The following GSPT1 variants were observed in gnomAD, a reference collection of about 807,000 sequenced individuals.
The protein encoded by GSPT1 is eukaryotic peptide chain release factor GTP-binding subunit ERF3A.
Under a neutral mutation model 72.5 loss-of-function variants are expected in GSPT1, and 20 were observed. The ratio of observed to expected loss-of-function variants is 0.28; its 90% CI spans 0.19 to 0.40. The LOEUF (loss-of-function observed/expected upper bound fraction) is 0.40. Ranked by LOEUF, GSPT1 falls within the 10% of genes least tolerant of loss-of-function variation. The pLI is 1.00. For missense variants in GSPT1, 580 were observed against 811.9 expected (o/e 0.71, Z 3.47); for synonymous variants, 334 against 293.5 (o/e 1.14, Z -1.41).
Position 11,892,517 on chromosome 16 carries a change from A to T in GSPT1, c.699-1378T>A, listed in dbSNP as rs1017517280. ...GGGAGACCCTTTCTCAAAAAAACAAAAAAAACAAAAAAAACAAAAAATAAA... is the reference window on the plus strand; with the variant it reads ...GGGAGACCCTTTCTCAAAAAAACAATAAAAACAAAAAAAACAAAAAATAAA... On this transcript the variant is annotated intron_variant, in intron 5 of 14. Coordinates refer to ENST00000434724, the MANE Select transcript of GSPT1 (RefSeq NM_002094.4). Among the ~76,000 whole-genome samples, 36 of 124,338 alleles carry T rather than the reference A, an allele frequency of 2.9e-4. 1 individual carries two copies. The highest frequency in any genetic ancestry group is 1.3e-3 in the African/African-American group (36 of 26,756). 81.6% of individuals were successfully genotyped at this position (124,338 alleles called of 152,430 possible).
At position 11,869,659 on chromosome 16, in the gene GSPT1, C is replaced by T. The variant is rs912084036; in HGVS notation, c.*3460G>A. 2 of 152,190 alleles carry T rather than the reference C, an allele frequency of 1.3e-5. No homozygotes were observed. The highest frequency in any genetic ancestry group is 4.8e-5 in the African/African-American group (2 of 41,442). 9.4% of individuals were successfully genotyped at this position (152,190 alleles called of 1,614,324 possible). On this transcript the variant is annotated 3_prime_UTR_variant, in exon 15 of 15. Transcript: ENST00000434724. ...CCCTTGACTACCTTAAATCCCTACC[C>T]AAAGCAATGAAGCTATCATCCATGA... is the stretch of plus-strand genomic sequence containing the variant.
At chr16:11,893,830 GAAATGTT>G (rs2054300464) in intron 5 of GSPT1, among the ~76,000 whole-genome samples, 1 of 152,040 alleles carries the variant, frequency 6.6e-6, no homozygotes. Context: ...CTCTGTTGTG[GAAATGTT>G]CAAAAGTAAC....
Position 11,872,658 on chromosome 16 carries a change from C to T in GSPT1, c.*461G>A, listed in dbSNP as rs1338973158. Reference sequence around the variant, plus strand: ...CCAGATAAAAAACATTATTCAAAAGCAATTCAAATACCGAAAAGGATTTCA... The same window carrying T: ...CCAGATAAAAAACATTATTCAAAAGTAATTCAAATACCGAAAAGGATTTCA... On this transcript the variant is annotated 3_prime_UTR_variant, in exon 15 of 15. Transcript: ENST00000434724. 3 of 152,708 alleles carry T rather than the reference C, an allele frequency of 2.0e-5. No individual in the cohort carries two copies. In the East Asian group the frequency reaches 5.7e-4, roughly 29 times the overall value. The allele number at this position is 152,708 out of a possible 1,614,324, so 9.5% of individuals were successfully genotyped here.
chr16:11,888,213 C>T (rs1014360992), intron 6 of GSPT1, among the ~76,000 whole-genome samples: 1 of 152,076 alleles, frequency 6.6e-6, no homozygotes, highest in Non-Finnish European at 1.5e-5. Flanking sequence ...CGCCTGTAAT[C>T]CCAGCACTTT....
At chr16:11,914,463 A>T (rs900031650) in intron 1 of GSPT1, among the ~76,000 whole-genome samples, 2 of 152,246 alleles carry the variant, frequency 1.3e-5, no homozygotes, top group Non-Finnish European at 2.9e-5. Context: ...TAGAAAATGT[A>T]TGTCTACTAG....
intron 11 of GSPT1, among the ~76,000 whole-genome samples, chr16:11,879,461 G>A (rs147158212): frequency 4.9e-4 from 70 of 143,352 alleles, no homozygotes; most frequent in African/African-American, 1.6e-3. Context: ...TCGGCTGGGC[G>A]CAGTGGCTCA....
Position 11,896,742 on chromosome 16 carries a change from C to T in GSPT1, c.480G>A (p.Glu160=). 5.0e-6 allele frequency: 8 copies of T among 1,601,010 alleles called. No individual in the cohort carries two copies. Among genetic ancestry groups the T allele is most frequent in the Non-Finnish European group, 6.8e-6 (8 of 1,173,182 alleles). ...ETEMSPEESW[E]HKEEISEAEP... The stretch of plus-strand genomic sequence containing the variant: ...CTGCTTCACTTATTTCTTCTTTGTG[C>T]TCCCATGATTCTTCTGGAGACATTT... The change falls in exon 4 of 15, where the codon GAG becomes GAA. Residue 160 remains glutamate (E), a synonymous_variant. Transcript: ENST00000434724.
chr16:11,911,621 C>T (rs949856112), intron 1 of GSPT1, among the ~76,000 whole-genome samples: 1 of 147,428 alleles, frequency 6.8e-6, no homozygotes, highest in African/African-American at 2.5e-5. Flanking sequence ...GGTGTGATCT[C>T]GGCTCACTGC....
chr16:11,879,550 C>A (rs181467307), intron 11 of GSPT1, among the ~76,000 whole-genome samples: 1 of 151,816 alleles, frequency 6.6e-6, no homozygotes, highest in Non-Finnish European at 1.5e-5. Context: ...CTGGCCAACA[C>A]GGTGAAATCC....
At chr16:11,895,990 G>A (rs2054333621) in intron 4 of GSPT1, among the ~76,000 whole-genome samples, 3 of 152,184 alleles carry the variant, frequency 2.0e-5, no homozygotes, top group Admixed American at 2.0e-4. Flanking sequence ...CATATCTGGG[G>A]GGAAGGCAGA....
chr16:11,898,249 T>C (rs1354535258), intron 1 of GSPT1, among the ~76,000 whole-genome samples: 2 of 152,166 alleles, frequency 1.3e-5, no homozygotes, highest in Non-Finnish European at 2.9e-5. Context: ...TTTGAAACAT[T>C]TTCAGTAGTT....
intron 1 of GSPT1, chr16:11,915,056 C>A (rs1460198874): frequency 7.7e-7 from 1 of 1,291,612 alleles, no homozygotes; most frequent in Non-Finnish European, 1.0e-6. Context: ...GCGGCCCCCA[C>A]TCCGTTCCAT....
chr16:11,874,314 C>T (rs2054013024), intron 14 of GSPT1, among the ~76,000 whole-genome samples: 1 of 151,954 alleles, frequency 6.6e-6, no homozygotes, highest in South Asian at 2.1e-4. Flanking sequence ...ATCCCAAAAC[C>T]TATCCTTAAG....
At position 11,913,201 on chromosome 16, in the gene GSPT1, T is replaced by C. The variant is rs115762169; in HGVS notation, c.352+2168A>G. ...TGCTGGCTTTTTATGGACTTAATAG[T>C]CTGGAACATGCAATCCAACAGTCTC... On this transcript the variant is annotated intron_variant, in intron 1 of 14. Transcript: ENST00000434724. Among the ~76,000 whole-genome samples the C allele has an allele frequency of 5.6e-3, 858 of 152,340 alleles. 13 individuals are homozygous for C. The highest frequency in any genetic ancestry group is 0.02 in the African/African-American group (814 of 41,568).
At chr16:11,889,792 C>T (rs186302708) in intron 6 of GSPT1, among the ~76,000 whole-genome samples, 65 of 151,960 alleles carry the variant, frequency 4.3e-4, no homozygotes, top group East Asian at 4.3e-3. Flanking sequence ...AGGCGTGAGA[C>T]ACTGTGCCCG....
intron 6 of GSPT1, among the ~76,000 whole-genome samples, chr16:11,889,329 CT>C (rs902991145): frequency 4.8e-3 from 290 of 60,058 alleles, no homozygotes; most frequent in African/African-American, 0.017. Context: ...CCCTCTTCTT[CT>C]TTTTTTTTTT....
At position 11,891,109 on chromosome 16, in the gene GSPT1, C is replaced by A; in HGVS notation, c.729G>T (p.Thr243=). 6.7e-7 allele frequency: 1 copy of A among 1,503,556 alleles called. No individual in the cohort carries two copies. 93.1% of individuals were successfully genotyped at this position (1,503,556 alleles called of 1,614,324 possible). ...TAGCTTCTCTTTCATACTTTTCAAG[C>A]GTCCTTTTGTCAACCATTCCAGTCA... ...MYLTGMVDKR[T]LEKYEREAKE... Residue 243 remains threonine (T), a synonymous_variant, in exon 6 of 15, where the codon ACG becomes ACT. Coordinates refer to ENST00000434724, the MANE Select transcript of GSPT1 (RefSeq NM_002094.4).
intron 6 of GSPT1, among the ~76,000 whole-genome samples, chr16:11,890,526 T>C (rs1286830058): frequency 6.6e-6 from 1 of 152,166 alleles, no homozygotes; most frequent in East Asian, 1.9e-4. Context: ...ATAATTTTAT[T>C]TTAAAAAAAT....
upstream of GSPT1, among the ~76,000 whole-genome samples, chr16:11,916,402 C>G (rs1163048742): frequency 6.6e-6 from 1 of 152,226 alleles, no homozygotes; most frequent in Non-Finnish European, 1.5e-5. Flanking sequence ...CGGACAGCAT[C>G]TATAACATGG....
Sources: allele counts gnomAD v4.1 joint callset (sites outside exome capture counted in the v4.1 genomes callset), GRCh38; gene constraint gnomAD v4.1.1; transcripts MANE v1.5; gene names NCBI Gene and HGNC (gene_info 2026-07-23, HGNC 2026-07-21).